PCNX2: variants seen among roughly 807,000 people sequenced by gnomAD.
PCNX2 encodes pecanex 2.
PCNX2 carries 168 observed loss-of-function variants against 223.8 expected under a neutral mutation model. That is an observed-to-expected ratio of 0.75 (90% CI 0.66 to 0.85). The LOEUF is 0.85. Ranked by LOEUF, PCNX2 falls within the 40% of genes least tolerant of loss-of-function variation. PCNX2 has a pLI of 0.00. For synonymous variants in PCNX2, 1,006 were observed against 1,052.6 expected (o/e 0.96, Z 0.86); for missense variants, 2,507 against 2,675.5 (o/e 0.94, Z 1.39).
intron 9 of PCNX2, among the ~76,000 whole-genome samples, chr1:233,235,980 A>G (rs1370723758): frequency 6.9e-6 from 1 of 144,772 alleles, no homozygotes; most frequent in Non-Finnish European, 1.5e-5. Context: ...ATATATATAT[A>G]TATATAATTA....
At chr1:233,117,759 C>T (rs945800233) in intron 21 of PCNX2, among the ~76,000 whole-genome samples, 4 of 151,608 alleles carry the variant, frequency 2.6e-5, no homozygotes, top group South Asian at 2.1e-4. Context: ...GCCTGTAATC[C>T]CAGCACTTTG....
Position 232,986,153 on chromosome 1 carries a change from G to T in PCNX2, c.6179C>A (p.Ser2060Ter). Residue 2060 changes from serine (S) to a stop codon, truncating the protein, a stop_gained, in exon 33 of 34, where the codon TCA becomes TAA. Coordinates refer to ENST00000258229, the MANE Select transcript of PCNX2 (RefSeq NM_014801.4). LOFTEE classifies it high-confidence loss of function. ...AEGGNTSDTQSSSSVNIVMGP... is the reference protein window; with the variant it reads ...AEGGNTSDTQ ...CATCACGATGTTGACGCTGCTGGAT[G>T]ACTGGGTGTCACTGGTATTGCCCCC... The T allele has an allele frequency of 6.4e-7, 1 of 1,570,472 alleles. No homozygotes were observed. Among genetic ancestry groups the T allele is most frequent in the South Asian group, 1.2e-5 (1 of 85,374 alleles).
intron 1 of PCNX2, among the ~76,000 whole-genome samples, chr1:233,278,202 CA>C (rs1572193991): frequency 1.3e-5 from 2 of 152,302 alleles, no homozygotes; most frequent in East Asian, 3.9e-4. Context: ...TTCTTGGCTG[CA>C]GCAAGCATGT....
upstream of PCNX2, among the ~76,000 whole-genome samples, chr1:233,295,933 T>TCTTC (rs369358111): frequency 8.0e-3 from 1,147 of 142,888 alleles, 9 homozygotes; most frequent in Middle Eastern, 0.029. This position sits in a 1 kb window ranked among gnomAD's most constrained non-coding sequence, Gnocchi z 4.1. Flanking sequence ...TCTCTCTCTT[T>TCTTC]CTTCCTTCCT....
chr1:233,087,147 G>A lies in PCNX2; in HGVS notation c.4076+2914C>T, dbSNP rs771053750. 8 of 985,272 alleles carry A rather than the reference G, an allele frequency of 8.1e-6. No homozygotes were observed. The South Asian group carries it at 2.8e-4, about 35-fold the overall frequency. 61.0% of individuals were successfully genotyped at this position (985,272 alleles called of 1,614,324 possible). A position where few individuals can be genotyped will look rare whatever the true frequency, so the allele number is the denominator to read the frequency against. On this transcript the variant is annotated intron_variant, in intron 23 of 33. Coordinates refer to ENST00000258229, the MANE Select transcript of PCNX2 (RefSeq NM_014801.4). ...CTGGTGATTTATTTATCACTTCCTT[G>A]AAGTATTAAAATGGTTTTGTTACAC...
intron 23 of PCNX2, among the ~76,000 whole-genome samples, chr1:233,083,676 C>T (rs1028524316): frequency 6.6e-6 from 1 of 152,084 alleles, no homozygotes; most frequent in Non-Finnish European, 1.5e-5. Context: ...ACCATAAAAC[C>T]GTGGGACTTA....
chr1:233,154,441 C>T (rs990808894), intron 19 of PCNX2, among the ~76,000 whole-genome samples: 4 of 152,190 alleles, frequency 2.6e-5, no homozygotes, highest in Admixed American at 1.3e-4. Context: ...AAAAGTATAG[C>T]TTAAGCTTTT....
At chr1:233,195,656 T>C (rs185461884) in intron 15 of PCNX2, among the ~76,000 whole-genome samples, 23 of 152,338 alleles carry the variant, frequency 1.5e-4, no homozygotes, top group African/African-American at 5.3e-4. Flanking sequence ...TAGTATTACT[T>C]AACAATTGAA....
chr1:233,137,195 T>C (rs1298904904), intron 20 of PCNX2, among the ~76,000 whole-genome samples: 1 of 152,210 alleles, frequency 6.6e-6, no homozygotes, highest in African/African-American at 2.4e-5. Flanking sequence ...ATTGTCCTCA[T>C]ATCTGTGTGG....
chr1:233,272,079 A>T (rs1660665725), intron 1 of PCNX2, among the ~76,000 whole-genome samples: 1 of 152,166 alleles, frequency 6.6e-6, no homozygotes, highest in Admixed American at 6.5e-5. Context: ...ACACTGGCTT[A>T]TGCAAAGACT....
chr1:233,227,405 G>A (rs1229461291), intron 9 of PCNX2, 34 bp from the exon 10 acceptor site: 1 of 1,593,998 alleles, frequency 6.3e-7, no homozygotes, highest in Non-Finnish European at 8.5e-7. Context: ...CAGAAAAAAG[G>A]GCTTTATGTT....
At chr1:233,244,470 G>C (rs1410547192) in intron 8 of PCNX2, among the ~76,000 whole-genome samples, 1 of 152,126 alleles carries the variant, frequency 6.6e-6, no homozygotes, top group Non-Finnish European at 1.5e-5. Flanking sequence ...AGAACTTTGG[G>C]AAGGTGAGGA....
At position 233,241,033 on chromosome 1, in the gene PCNX2, G is replaced by A. The variant is rs192724893; in HGVS notation, c.2223-4053C>T. ...TTTTCAGGCTTCCTCCAGGGACATGGGCACAAGGCGCATAGAGGGACACAG... is the reference window on the plus strand; with the variant it reads ...TTTTCAGGCTTCCTCCAGGGACATGAGCACAAGGCGCATAGAGGGACACAG... On this transcript the variant is annotated intron_variant, in intron 8 of 33. Coordinates refer to ENST00000258229, the MANE Select transcript of PCNX2 (RefSeq NM_014801.4). Among the ~76,000 whole-genome samples, 85 of 152,236 alleles carry A rather than the reference G, an allele frequency of 5.6e-4. 1 individual carries two copies. Among genetic ancestry groups the A allele is most frequent in the African/African-American group, 2.0e-3 (83 of 41,544 alleles).
rs760538013 is a variant in PCNX2, at chr1:232,986,334, G to A, written c.5998C>T (p.Pro2000Ser). Residue 2000 changes from proline (P) to serine (S), a missense_variant, in exon 33 of 34, where the codon CCC becomes TCC. This residue lies in a region of PCNX2 where 1,372 missense variants were observed against 1,509.4 expected (regional missense o/e 0.91). Transcript: ENST00000258229. ...CTCAGGTGGCCGGTGGTGGTGACGG[G>A]CGGGGGCTGAGAGTGCAGGGACGTG... is the stretch of plus-strand genomic sequence containing the variant. ...SATSLHSQPP[P>S]VTTTGHLSVR... 2 of 1,594,506 alleles carry A rather than the reference G, an allele frequency of 1.3e-6. No individual in the cohort carries two copies. The highest frequency in any genetic ancestry group is 1.1e-5 in the South Asian group (1 of 87,784).
At chr1:232,997,632 C>T (rs185581781) in intron 32 of PCNX2, among the ~76,000 whole-genome samples, 1 of 152,310 alleles carries the variant, frequency 6.6e-6, no homozygotes, top group Admixed American at 6.5e-5. Context: ...CAGTGCAGAC[C>T]ACCAGTGGAG....
chr1:233,119,194 C>A (rs1263488626), intron 21 of PCNX2, among the ~76,000 whole-genome samples: 3 of 151,792 alleles, frequency 2.0e-5, no homozygotes, highest in Non-Finnish European at 4.4e-5. Context: ...TAACCCTTTA[C>A]CTAAGTCTCG....
chr1:233,114,245 A>G (rs765265571), intron 21 of PCNX2, among the ~76,000 whole-genome samples: 1 of 152,216 alleles, frequency 6.6e-6, no homozygotes, highest in Admixed American at 6.5e-5. Context: ...AAAAGGTGAG[A>G]TCTGAGCAAA....
intron 28 of PCNX2, among the ~76,000 whole-genome samples, chr1:233,012,799 T>C (rs886401548): frequency 6.6e-6 from 1 of 152,156 alleles, no homozygotes; most frequent in Non-Finnish European, 1.5e-5. Context: ...TGAACTGAGA[T>C]AATATTTGCA....
chr1:233,273,718 G>A (rs138192863), intron 1 of PCNX2, among the ~76,000 whole-genome samples: 66 of 151,930 alleles, frequency 4.3e-4, no homozygotes, highest in African/African-American at 1.6e-3. Context: ...CCTCCTCTCG[G>A]GTTCAAGCGA....
Sources: allele counts gnomAD v4.1 joint callset (sites outside exome capture counted in the v4.1 genomes callset), GRCh38; gene constraint gnomAD v4.1.1; regional missense constraint gnomAD v4.1.1; non-coding constraint Gnocchi (gnomAD v3.1); transcripts MANE v1.5; gene names NCBI Gene and HGNC (gene_info 2026-07-23, HGNC 2026-07-21).